The following COMMD1 variants were observed in gnomAD, a reference collection of about 807,000 sequenced individuals.
The protein encoded by COMMD1 is COMM domain-containing protein 1.
In COMMD1, 10 loss-of-function variants were observed where a neutral mutation model predicts 17.2. That is an observed-to-expected ratio of 0.58 (90% confidence interval 0.36 to 0.99). The LOEUF is 0.99. COMMD1 is among the 50% of genes least tolerant of loss of function. COMMD1 has a pLI of 0.01. For missense variants in COMMD1, 270 were observed against 231.8 expected (o/e 1.17, Z -1.07); for synonymous variants, 97 against 91.6 (o/e 1.06, Z -0.34).
At chr2:61,905,583 G>T (rs1669748479), upstream of COMMD1, 1 of 1,291,336 alleles carries the variant, frequency 7.7e-7, no homozygotes, top group South Asian at 1.5e-5. Flanking sequence ...GTTCCCCGAG[G>T]TTCCCCGTGG....
At chr2:62,125,926 C>T (rs1359933840) in intron 2 of COMMD1, among the ~76,000 whole-genome samples, 1 of 152,174 alleles carries the variant, frequency 6.6e-6, no homozygotes, top group East Asian at 1.9e-4. Context: ...CTTCCCCCCA[C>T]TTCACCCCCG....
At chr2:61,919,744 A>G (rs1035111032) in intron 1 of COMMD1, among the ~76,000 whole-genome samples, 1 of 152,158 alleles carries the variant, frequency 6.6e-6, no homozygotes, top group East Asian at 1.9e-4. Flanking sequence ...TGCATAGCAC[A>G]TAACTAAATA....
chr2:62,088,939 G>T (rs552220482), intron 2 of COMMD1, among the ~76,000 whole-genome samples: 1 of 152,204 alleles, frequency 6.6e-6, no homozygotes. Context: ...AACTCAAAGA[G>T]GGGGAGAAGG....
At chr2:62,050,600 G>T (rs1402747514) in intron 2 of COMMD1, among the ~76,000 whole-genome samples, 1 of 152,184 alleles carries the variant, frequency 6.6e-6, no homozygotes, top group African/African-American at 2.4e-5. Flanking sequence ...TTTCAGGAAA[G>T]AATTTTTTAC....
chr2:62,059,466 T>A (rs1348639259), intron 2 of COMMD1, among the ~76,000 whole-genome samples: 1 of 152,204 alleles, frequency 6.6e-6, no homozygotes, highest in Non-Finnish European at 1.5e-5. Flanking sequence ...TGTTGTATCA[T>A]TATGAAATGT....
chr2:62,023,446 A>G (rs560980819), intron 2 of COMMD1, among the ~76,000 whole-genome samples: 2 of 152,194 alleles, frequency 1.3e-5, no homozygotes, highest in Non-Finnish European at 2.9e-5. Context: ...GAAACAACCC[A>G]AGATTCTACA....
intron 1 of COMMD1, among the ~76,000 whole-genome samples, chr2:61,998,407 G>A (rs1558554583): frequency 1.3e-5 from 2 of 152,024 alleles, no homozygotes; most frequent in African/African-American, 4.8e-5. Flanking sequence ...TTACAGGCGT[G>A]CGCCACTACG....
chr2:62,130,984 G>A (rs1673014380), intron 2 of COMMD1, among the ~76,000 whole-genome samples: 1 of 152,218 alleles, frequency 6.6e-6, no homozygotes, highest in Admixed American at 6.5e-5. Context: ...TTCCTGAGGA[G>A]TGTTGAGTGG....
intron 1 of COMMD1, among the ~76,000 whole-genome samples, chr2:61,889,432 C>T (rs983433867): frequency 1.3e-5 from 2 of 151,882 alleles, no homozygotes; most frequent in East Asian, 3.9e-4. Flanking sequence ...GCTGGTCTGA[C>T]CTCCCCGGCT....
chr2:62,118,884 C>T (rs1213216080), intron 2 of COMMD1: 1 of 152,180 alleles, frequency 6.6e-6, no homozygotes, highest in Non-Finnish European at 1.5e-5. Flanking sequence ...GGCAGCAAAT[C>T]AGGAAATAGG....
At chr2:62,087,735 G>C (rs1450313473) in intron 2 of COMMD1, among the ~76,000 whole-genome samples, 5 of 152,170 alleles carry the variant, frequency 3.3e-5, no homozygotes, top group African/African-American at 1.2e-4. Context: ...CAACAAGAGT[G>C]AAACTCCCTC....
At chr2:61,979,115 C>T (rs1428996263) in intron 1 of COMMD1, among the ~76,000 whole-genome samples, 2 of 152,116 alleles carry the variant, frequency 1.3e-5, no homozygotes, top group Non-Finnish European at 2.9e-5. Context: ...CCCCCACCTC[C>T]CACTATCCTT....
At chr2:62,104,633 C>CAA (rs35679940) in intron 2 of COMMD1, among the ~76,000 whole-genome samples, 4,369 of 76,460 alleles carry the variant, frequency 0.057, 386 homozygotes, top group African/African-American at 0.19. Flanking sequence ...GACTCCGTCT[C>CAA]AAAAAAAAAA....
intron 1 of COMMD1, among the ~76,000 whole-genome samples, chr2:61,927,151 A>T (rs1670347550): frequency 6.6e-6 from 1 of 152,228 alleles, no homozygotes. Context: ...CTTGTAAGGC[A>T]GCGATGGGGA....
chr2:62,011,984 G>A (rs1193319172), intron 2 of COMMD1, among the ~76,000 whole-genome samples: 8 of 152,034 alleles, frequency 5.3e-5, no homozygotes, highest in Admixed American at 1.3e-4. Flanking sequence ...GCAGTGACTC[G>A]TGCCTGTAAT....
At chr2:62,021,234 C>T (rs573014249) in intron 2 of COMMD1, among the ~76,000 whole-genome samples, 3 of 152,040 alleles carry the variant, frequency 2.0e-5, no homozygotes, top group Admixed American at 6.6e-5. Flanking sequence ...GTATTTTTTG[C>T]GTGTGAGAGA....
At chr2:61,950,540 A>G (rs1426051644) in intron 1 of COMMD1, among the ~76,000 whole-genome samples, 1 of 152,224 alleles carries the variant, frequency 6.6e-6, no homozygotes, top group African/African-American at 2.4e-5. Context: ...GATCAAAACC[A>G]TTGATAGTAC....
chr2:61,979,571 T>G (rs141939808), intron 1 of COMMD1, among the ~76,000 whole-genome samples: 2 of 152,138 alleles, frequency 1.3e-5, no homozygotes, highest in African/African-American at 2.4e-5. Context: ...ATCGAAGAGA[T>G]ATCTGCACTC....
chr2:62,080,115 A>C (rs1447806532), intron 2 of COMMD1, among the ~76,000 whole-genome samples: 2 of 152,148 alleles, frequency 1.3e-5, no homozygotes, highest in Non-Finnish European at 2.9e-5. Context: ...AATCATATAA[A>C]CAATATGCTT....
Sources: gnomAD v4.1 joint callset for allele counts (sites outside exome capture counted in the v4.1 genomes callset) on GRCh38, gnomAD v4.1.1 for gene constraint, MANE v1.5 for transcripts, NCBI Gene and HGNC (gene_info 2026-07-23, HGNC 2026-07-21) for gene names.